Variants in STXBP4 observed in about 807,000 individuals in gnomAD.
STXBP4 encodes the protein syntaxin binding protein 4.
STXBP4 carries 55 observed loss-of-function variants against 76.1 expected under a neutral mutation model. That is an observed-to-expected ratio of 0.72 (90% CI 0.58 to 0.91). The LOEUF is 0.91. Ranked by LOEUF, STXBP4 falls within the 40% of genes least tolerant of loss-of-function variation. The pLI is 0.00. For synonymous variants in STXBP4, 201 were observed against 220.2 expected (o/e 0.91, Z 0.77); for missense variants, 618 against 636.9 (o/e 0.97, Z 0.32).
chr17:55,105,056 A>G (rs1200856774), intron 16 of STXBP4, among the ~76,000 whole-genome samples: 3 of 151,864 alleles, frequency 2.0e-5, no homozygotes, highest in Non-Finnish European at 4.4e-5. Flanking sequence ...TATTTTGTTA[A>G]TCTTCTCAAA....
intron 16 of STXBP4, among the ~76,000 whole-genome samples, chr17:55,096,387 G>A (rs934862304): frequency 3.3e-5 from 5 of 152,006 alleles, no homozygotes; most frequent in Admixed American, 3.3e-4. Context: ...TTATGTTTTA[G>A]AGTTCACTTT....
chr17:55,117,771 CAG>C (rs1250910534), intron 16 of STXBP4, among the ~76,000 whole-genome samples: 2 of 151,870 alleles, frequency 1.3e-5, no homozygotes, highest in African/African-American at 4.8e-5. Context: ...GCCATAGTCT[CAG>C]AGCATTAGTG....
At chr17:55,011,062 CAT>C (rs777925035) in intron 8 of STXBP4, among the ~76,000 whole-genome samples, 53 of 152,110 alleles carry the variant, frequency 3.5e-4, no homozygotes, top group Non-Finnish European at 1.0e-4. Flanking sequence ...CCTAACATGA[CAT>C]GTGGTATTCT....
intron 11 of STXBP4, among the ~76,000 whole-genome samples, chr17:55,045,077 A>G (rs968384893): frequency 2.0e-5 from 3 of 152,150 alleles, no homozygotes; most frequent in African/African-American, 7.2e-5. Context: ...ATATACACAG[A>G]ATGAATGTCT....
chr17:55,044,770 A>C (rs947241518), intron 11 of STXBP4: 11 of 152,130 alleles, frequency 7.2e-5, no homozygotes, highest in Admixed American at 2.6e-4. Flanking sequence ...AAGCCTTAAA[A>C]AATTTTTTTC....
At chr17:55,036,027 A>G (rs2078595964) in intron 10 of STXBP4, among the ~76,000 whole-genome samples, 1 of 152,060 alleles carries the variant, frequency 6.6e-6, no homozygotes. Context: ...AACACTTAAA[A>G]TCTGCTCTCT....
In STXBP4 at chr17:54,991,017, TTTATTTTTTC is replaced by T. The variant is rs1427675982; in HGVS notation, c.180+63_180+72del. ...ACAAAAAGACCCACCAGTGGTAAAG[TTTATTTTTTC>T]TTCTTTATTAGTGAATTTATATCCA... On this transcript the variant is annotated intron_variant, in intron 4 of 17. Coordinates refer to ENST00000376352, the MANE Select transcript of STXBP4 (RefSeq NM_178509.6). 2.1e-6 allele frequency: 3 copies of T among 1,441,386 alleles called. No homozygotes were observed. In the African/African-American group the frequency reaches 4.4e-5, roughly 21 times the overall value. The allele number at this position is 1,441,386 out of a possible 1,614,324, so 89.3% of individuals were successfully genotyped here.
chr17:55,101,568 G>A (rs905884341), intron 16 of STXBP4, among the ~76,000 whole-genome samples: 1 of 152,138 alleles, frequency 6.6e-6, no homozygotes, highest in Admixed American at 6.5e-5. Context: ...AATGATTAAT[G>A]AATGAATTCC....
At chr17:55,005,024 G>A (rs566375206) in intron 7 of STXBP4, among the ~76,000 whole-genome samples, 18 of 152,120 alleles carry the variant, frequency 1.2e-4, no homozygotes, top group Non-Finnish European at 2.2e-4. Context: ...TAACTCAAAA[G>A]TAAAGGTCTA....
chr17:55,091,449 A>G (rs896286463), intron 16 of STXBP4, among the ~76,000 whole-genome samples: 17 of 152,092 alleles, frequency 1.1e-4, no homozygotes, highest in African/African-American at 4.1e-4. Context: ...TGAAATCCCA[A>G]ATTTGAAATG....
chr17:55,207,297 C>T, the STXBP4 span, among the ~76,000 whole-genome samples: 2 of 152,154 alleles, frequency 1.3e-5, no homozygotes, highest in African/African-American at 4.8e-5. Context: ...TCACTACAGG[C>T]ATGTACACCC....
intron 12 of STXBP4, among the ~76,000 whole-genome samples, chr17:55,055,177 A>T (rs569802293): frequency 6.6e-6 from 1 of 152,316 alleles, no homozygotes; most frequent in East Asian, 1.9e-4. Context: ...GCCCAGGAAC[A>T]TAAGGGAAAC....
chr17:55,182,179 AAG>A, the STXBP4 span, among the ~76,000 whole-genome samples: 13 of 152,166 alleles, frequency 8.5e-5, no homozygotes, highest in Non-Finnish European at 1.9e-4. Flanking sequence ...AAACAGCAAA[AAG>A]AGAGTTCTAG....
chr17:55,123,534 G>A (rs1226575628), intron 16 of STXBP4, among the ~76,000 whole-genome samples: 1 of 152,080 alleles, frequency 6.6e-6, no homozygotes, highest in Non-Finnish European at 1.5e-5. Flanking sequence ...ATTAAATATT[G>A]TGTTCTAACG....
chr17:55,120,062 C>A (rs546421775), intron 16 of STXBP4, among the ~76,000 whole-genome samples: 1 of 152,214 alleles, frequency 6.6e-6, no homozygotes, highest in South Asian at 2.1e-4. Flanking sequence ...AAGTGTACTT[C>A]TCAAGTAGAA....
At chr17:55,118,808 G>A (rs244349) in intron 16 of STXBP4, among the ~76,000 whole-genome samples, 94,924 of 151,470 alleles carry the variant, frequency 0.63, 30,403 homozygotes, top group African/African-American at 0.75. Context: ...TTAAATACAT[G>A]TGCTTTTCAG....
intron 16 of STXBP4, among the ~76,000 whole-genome samples, chr17:55,133,565 C>T (rs1052240688): frequency 3.3e-5 from 5 of 152,120 alleles, no homozygotes; most frequent in Admixed American, 2.6e-4. Context: ...AAAGGAAGGA[C>T]ACAGAGGAGT....
At chr17:55,099,946 TACAG>T (rs776076192) in intron 16 of STXBP4, among the ~76,000 whole-genome samples, 1 of 152,150 alleles carries the variant, frequency 6.6e-6, no homozygotes, top group Non-Finnish European at 1.5e-5. Context: ...GGAATAAGAC[TACAG>T]ACAAAGTTTC....
Position 55,171,855 on chromosome 17 carries a change from AC to A in STXBP4, c.*11945del, listed in dbSNP as rs57476058. The A allele has an allele frequency of 0.021, 3,135 of 152,306 alleles. 85 individuals carry two copies. Among genetic ancestry groups the A allele is most frequent in the East Asian group, 0.15 (791 of 5,178 alleles). The allele number at this position is 152,306 out of a possible 1,614,324, so 9.4% of individuals were successfully genotyped here. A position where few individuals can be genotyped will look rare whatever the true frequency, so the allele number is the denominator to read the frequency against. On this transcript the variant is annotated 3_prime_UTR_variant, in exon 18 of 18. Coordinates refer to ENST00000376352, the MANE Select transcript of STXBP4 (RefSeq NM_178509.6). ...GGACTTCTAGCCTCCAAACTGTGAGACAATACATTTCTGTTGCTTAAGCCAC... is the reference window on the plus strand; with the variant it reads ...GGACTTCTAGCCTCCAAACTGTGAGAAATACATTTCTGTTGCTTAAGCCAC...
Sources: gnomAD v4.1 joint callset for allele counts (sites outside exome capture counted in the v4.1 genomes callset) on GRCh38, gnomAD v4.1.1 for gene constraint, MANE v1.5 for transcripts, NCBI Gene and HGNC (gene_info 2026-07-23, HGNC 2026-07-21) for gene names.